SLCO1C1: variants seen among roughly 807,000 people sequenced by gnomAD.
SLCO1C1 encodes the protein OAT-RP-5.
SLCO1C1 carries 70 observed loss-of-function variants against 76.4 expected under a neutral mutation model. That is an observed-to-expected ratio of 0.92 (90% CI 0.76 to 1.12). SLCO1C1 has a LOEUF of 1.12. SLCO1C1 is among the 50% of genes most tolerant of loss of function. SLCO1C1 has a pLI of 0.00. For missense variants in SLCO1C1, 912 were observed against 823.8 expected, an observed-to-expected ratio of 1.11 and a Z score of -1.31; for synonymous variants, 306 against 286.1, an observed-to-expected ratio of 1.07 and a Z score of -0.70.
intron 4 of SLCO1C1, among the ~76,000 whole-genome samples, chr12:20,706,996 A>G (rs1946811651): frequency 6.6e-6 from 1 of 152,156 alleles, no homozygotes; most frequent in Non-Finnish European, 1.5e-5. Flanking sequence ...CTTAGAAATG[A>G]TCTAGTCTGA....
At chr12:20,724,533 C>G (rs1797709537) in intron 9 of SLCO1C1, among the ~76,000 whole-genome samples, 1 of 146,928 alleles carries the variant, frequency 6.8e-6, no homozygotes, top group Non-Finnish European at 1.5e-5. Flanking sequence ...AAGCTTAACT[C>G]TCCTATCAGT....
At chr12:20,702,491 A>G (rs975587075) in intron 3 of SLCO1C1, among the ~76,000 whole-genome samples, 1 of 151,972 alleles carries the variant, frequency 6.6e-6, no homozygotes, top group Non-Finnish European at 1.5e-5. Context: ...TCTTTTTTTA[A>G]AACCTGAATT....
chr12:20,717,438 G>T (rs1456370477), intron 7 of SLCO1C1, among the ~76,000 whole-genome samples: 4 of 151,730 alleles, frequency 2.6e-5, no homozygotes, highest in Non-Finnish European at 5.9e-5. Flanking sequence ...ATGACCAATG[G>T]TTTGTTATTA....
At chr12:20,741,917 T>C (rs1592324143) in intron 12 of SLCO1C1, among the ~76,000 whole-genome samples, 1 of 152,210 alleles carries the variant, frequency 6.6e-6, no homozygotes, top group African/African-American at 2.4e-5. Context: ...AATTCTTATA[T>C]TCAAGGATAA....
intron 9 of SLCO1C1, among the ~76,000 whole-genome samples, chr12:20,729,570 G>T (rs957499798): frequency 4.2e-4 from 64 of 151,798 alleles, no homozygotes; most frequent in Non-Finnish European, 1.8e-4. Context: ...AAGAAAATGG[G>T]GTTCTGATGA....
chr12:20,713,146 C>CT (rs1385909012), intron 5 of SLCO1C1, among the ~76,000 whole-genome samples: 1 of 147,392 alleles, frequency 6.8e-6, no homozygotes, highest in Non-Finnish European at 1.5e-5. Flanking sequence ...GTGGCGCGAT[C>CT]TCGGCTCACT....
intron 9 of SLCO1C1, among the ~76,000 whole-genome samples, chr12:20,723,658 T>C (rs1012144510): frequency 1.3e-5 from 2 of 152,180 alleles, no homozygotes; most frequent in East Asian, 3.8e-4. Context: ...AAAACTTTTC[T>C]GACTCCTGGC....
At chr12:20,727,886 T>C (rs775104473) in intron 9 of SLCO1C1, among the ~76,000 whole-genome samples, 10 of 152,174 alleles carry the variant, frequency 6.6e-5, no homozygotes, top group African/African-American at 9.6e-5. Context: ...TTTCTTGTTG[T>C]TTCGTTTAAG....
Position 20,752,400 on chromosome 12 carries a change from A to G in SLCO1C1, c.2011A>G (p.Lys671Glu), listed in dbSNP as rs758978133. ...LFILKKNYVS[K>E]HRSFITKRER... ...CATTTTAAAGAAAAATTATGTTTCA[A>G]AACACAGAAGTTTTATAACCAAGAG... The change falls in exon 15 of 15, where the codon AAA (lysine) becomes GAA (glutamate). Residue 671 changes from lysine (K) to glutamate (E), a missense_variant. Physicochemically the swap from Lys to Glu is moderately conservative, Grantham distance 56. Coordinates refer to ENST00000266509, the MANE Select transcript of SLCO1C1 (RefSeq NM_017435.5). 6.2e-7 allele frequency: 1 copy of G among 1,613,508 alleles called. No homozygotes were observed.
chr12:20,735,339 G>T (rs1403862401), intron 10 of SLCO1C1, among the ~76,000 whole-genome samples: 1 of 152,064 alleles, frequency 6.6e-6, no homozygotes. Context: ...CAGTTTCCAG[G>T]TTTGTCACTA....
Position 20,732,622 on chromosome 12 carries a change from T to C in SLCO1C1, c.1187-287T>C, listed in dbSNP as rs142404832. 6.2e-3 allele frequency among the ~76,000 whole-genome samples: 938 copies of C among 152,298 alleles called. 10 individuals are homozygous for C. The highest frequency in any genetic ancestry group is 0.022 in the African/African-American group (900 of 41,558). On this transcript the variant is annotated intron_variant, in intron 9 of 14. Transcript: ENST00000266509. ...AATGGGCACCTAATTGCTACCTAAT[T>C]GTACTTGTTAATGCTGGAATTGGAC...
At chr12:20,736,034 A>C (rs1221495190) in intron 10 of SLCO1C1, among the ~76,000 whole-genome samples, 1 of 152,170 alleles carries the variant, frequency 6.6e-6, no homozygotes, top group Non-Finnish European at 1.5e-5. Context: ...AATAAATTTG[A>C]AAATAAGGAG....
At chr12:20,726,034 T>C (rs1379327911) in intron 9 of SLCO1C1, among the ~76,000 whole-genome samples, 1 of 152,066 alleles carries the variant, frequency 6.6e-6, no homozygotes, top group South Asian at 2.1e-4. Context: ...CATTAGTAAG[T>C]ATGGGGTGCA....
intron 3 of SLCO1C1, among the ~76,000 whole-genome samples, chr12:20,702,152 G>A (rs971449026): frequency 1.3e-5 from 2 of 151,852 alleles, no homozygotes; most frequent in Non-Finnish European, 2.9e-5. Context: ...TGAAGTAAAC[G>A]AAATAGTACC....
chr12:20,724,061 T>C (rs1414071358), intron 9 of SLCO1C1, among the ~76,000 whole-genome samples: 1 of 152,146 alleles, frequency 6.6e-6, no homozygotes, highest in Non-Finnish European at 1.5e-5. Context: ...ATATAGCACA[T>C]GCTAATATAA....
At chr12:20,700,621 T>C (rs1168001526) in intron 2 of SLCO1C1, among the ~76,000 whole-genome samples, 1 of 150,770 alleles carries the variant, frequency 6.6e-6, no homozygotes, top group Non-Finnish European at 1.5e-5. Context: ...CCGAGAATAG[T>C]TGTTTCTTAA....
At chr12:20,699,961 T>A (rs1946445204) in intron 2 of SLCO1C1, 2 of 302,678 alleles carry the variant, frequency 6.6e-6, no homozygotes, top group Non-Finnish European at 1.2e-5. Context: ...CTAGTATTTA[T>A]TGAACTTCTG....
In SLCO1C1 at chr12:20,736,999, A is replaced by G. The variant is rs781630219; in HGVS notation, c.1383-108A>G. 113 of 1,000,712 alleles carry G rather than the reference A, an allele frequency of 1.1e-4. 1 individual carries two copies. The highest frequency in any genetic ancestry group is 1.4e-4 in the Non-Finnish European group (108 of 752,774). The allele number at this position is 1,000,712 out of a possible 1,614,324, so 62.0% of individuals were successfully genotyped here. A position where few individuals can be genotyped will look rare whatever the true frequency, so the allele number is the denominator to read the frequency against. ...TGACAACTGTGTTTCTAAAAGGCAA[A>G]TTTTGTTCATAGTATCATTTATATC... On this transcript the variant is annotated intron_variant, in intron 10 of 14. Transcript: ENST00000266509.
intron 3 of SLCO1C1, 35 bp from the exon 4 acceptor site, chr12:20,705,914 C>A: frequency 1.2e-6 from 2 of 1,604,578 alleles, no homozygotes; most frequent in Non-Finnish European, 1.7e-6. Flanking sequence ...TTTCTAAGTT[C>A]TCTAATTTAT....
Sources: gnomAD v4.1 joint callset for allele counts (sites outside exome capture counted in the v4.1 genomes callset) on GRCh38, gnomAD v4.1.1 for gene constraint, MANE v1.5 for transcripts, NCBI Gene and HGNC (gene_info 2026-07-23, HGNC 2026-07-21) for gene names.